The following PRIM2 variants were observed in gnomAD, a reference collection of about 807,000 sequenced individuals.
PRIM2 encodes DNA primase large subunit.
Under a neutral mutation model 67.3 loss-of-function variants are expected in PRIM2, and 39 were observed. The observed-to-expected ratio is 0.58, with a 90% confidence interval of 0.45 to 0.76. PRIM2 has a LOEUF of 0.76. Among genes scored for constraint, PRIM2 ranks in the 30% least tolerant of loss-of-function variants. PRIM2 has a pLI of 0.00. For synonymous variants in PRIM2, 143 were observed against 198.7 expected (o/e 0.72, Z 2.36); for missense variants, 398 against 598.7 (o/e 0.66, Z 3.50).
intron 7 of PRIM2, among the ~76,000 whole-genome samples, chr6:57,432,773 A>G (rs1771878214): frequency 6.6e-6 from 1 of 152,214 alleles, no homozygotes; most frequent in Non-Finnish European, 1.5e-5. Flanking sequence ...GTCCTTTGTC[A>G]TCTACATAGC....
At chr6:57,411,772 T>C (rs1771096050) in intron 7 of PRIM2, among the ~76,000 whole-genome samples, 1 of 152,102 alleles carries the variant, frequency 6.6e-6, no homozygotes, top group Non-Finnish European at 1.5e-5. Flanking sequence ...ATCTAGACTT[T>C]TCCTTTCATG....
intron 12 of PRIM2, among the ~76,000 whole-genome samples, chr6:57,607,463 C>G (rs1726397339): frequency 6.6e-6 from 1 of 152,002 alleles, no homozygotes; most frequent in Non-Finnish European, 1.5e-5. Context: ...CTGAAGAGGT[C>G]AAGGAACCCT....
At chr6:57,410,331 CA>C (rs66631802) in intron 7 of PRIM2, among the ~76,000 whole-genome samples, 41,667 of 105,140 alleles carry the variant, frequency 0.4, 6,019 homozygotes, top group Middle Eastern at 0.57. Flanking sequence ...AACGCCATCT[CA>C]AAAAAAAAAA....
intron 13 of PRIM2, among the ~76,000 whole-genome samples, chr6:57,635,735 T>C (rs1298982298): frequency 1.3e-5 from 2 of 152,238 alleles, no homozygotes; most frequent in Non-Finnish European, 2.9e-5. Flanking sequence ...GTCATCATTA[T>C]GGATATCAGT....
chr6:57,624,702 A>C (rs1776916766), intron 12 of PRIM2, among the ~76,000 whole-genome samples: 1 of 152,208 alleles, frequency 6.6e-6, no homozygotes, highest in Admixed American at 6.5e-5. Context: ...TATTCCATTT[A>C]CTGTTCAAGA....
chr6:57,434,159 A>G (rs563388470), intron 7 of PRIM2, among the ~76,000 whole-genome samples: 1 of 152,136 alleles, frequency 6.6e-6, no homozygotes, highest in East Asian at 1.9e-4. Context: ...TCCTGACCTC[A>G]GGTGATCTAC....
chr6:57,272,904 A>G, the PRIM2 span, among the ~76,000 whole-genome samples: 1 of 152,188 alleles, frequency 6.6e-6, no homozygotes, highest in African/African-American at 2.4e-5. Flanking sequence ...TTGGCTGGAT[A>G]TGAAATTCTG....
At chr6:57,502,126 A>G (rs1423868136) in intron 7 of PRIM2, among the ~76,000 whole-genome samples, 5 of 152,230 alleles carry the variant, frequency 3.3e-5, no homozygotes, top group Non-Finnish European at 7.3e-5. Flanking sequence ...ATTTTAAGAA[A>G]TAAAAGTAAA....
chr6:57,577,172 A>C (rs1307327460), intron 10 of PRIM2, among the ~76,000 whole-genome samples: 3 of 152,142 alleles, frequency 2.0e-5, no homozygotes, highest in Non-Finnish European at 4.4e-5. Context: ...AGAAGAGATT[A>C]CTTGTGTTTC....
chr6:57,355,176 C>A (rs370024148), intron 5 of PRIM2, among the ~76,000 whole-genome samples: 408 of 150,198 alleles, frequency 2.7e-3, no homozygotes, highest in Non-Finnish European at 3.9e-3. Flanking sequence ...TGGTGGCGGG[C>A]GCCTGCAATC....
the PRIM2 span, among the ~76,000 whole-genome samples, chr6:57,241,554 G>GA: frequency 8.1e-4 from 123 of 151,924 alleles, no homozygotes; most frequent in Middle Eastern, 3.4e-3. Context: ...TATTAGCAAG[G>GA]ATAGAAATGG....
intron 8 of PRIM2, among the ~76,000 whole-genome samples, chr6:57,526,159 C>G (rs1774747795): frequency 6.6e-6 from 1 of 151,974 alleles, no homozygotes; most frequent in Non-Finnish European, 1.5e-5. Flanking sequence ...TACATTTTAG[C>G]AGAAATACAC....
the PRIM2 span, among the ~76,000 whole-genome samples, chr6:57,309,434 T>C: frequency 6.6e-6 from 1 of 151,836 alleles, no homozygotes; most frequent in Non-Finnish European, 1.5e-5. Flanking sequence ...AATGATGATT[T>C]CCAATTTCAT....
chr6:57,601,910 T>C (rs1776474459), intron 11 of PRIM2, among the ~76,000 whole-genome samples: 2 of 152,258 alleles, frequency 1.3e-5, no homozygotes, highest in Admixed American at 6.5e-5. Flanking sequence ...CTGCTAAAGA[T>C]CAAATAATCA....
At chr6:57,479,372 C>G (rs1773558083) in intron 7 of PRIM2, among the ~76,000 whole-genome samples, 1 of 151,940 alleles carries the variant, frequency 6.6e-6, no homozygotes, top group Admixed American at 6.6e-5. Flanking sequence ...AAGCATCAAA[C>G]TTTAAAACAA....
In PRIM2 at chr6:57,345,102, T is replaced by G. The variant is rs1453925563; in HGVS notation, c.459+19057T>G. Among the ~76,000 whole-genome samples the G allele has an allele frequency of 2.0e-5, 3 of 149,956 alleles. No individual in the cohort carries two copies. In the East Asian group the frequency reaches 5.8e-4, roughly 29 times the overall value. On this transcript the variant is annotated intron_variant, in intron 5 of 13. Transcript: ENST00000615550. ...GTATGTCTTTAAATGAGCTGAAGTT[T>G]CCCCCACACAGAGCTATGTCCTATT... is the stretch of plus-strand genomic sequence containing the variant.
the PRIM2 span, among the ~76,000 whole-genome samples, chr6:57,266,593 A>G: frequency 6.6e-6 from 1 of 152,202 alleles, no homozygotes; most frequent in Non-Finnish European, 1.5e-5. Context: ...ATTCAGCCAA[A>G]TATGTTTTTC....
At chr6:57,286,362 A>G in the PRIM2 span, among the ~76,000 whole-genome samples, 1 of 152,236 alleles carries the variant, frequency 6.6e-6, no homozygotes, top group Non-Finnish European at 1.5e-5. Flanking sequence ...AAACTATACT[A>G]CAAGGCTACA....
the PRIM2 span, among the ~76,000 whole-genome samples, chr6:57,285,582 C>T: frequency 2.6e-5 from 4 of 152,104 alleles, no homozygotes; most frequent in Non-Finnish European, 5.9e-5. Flanking sequence ...ACGCTTTTTC[C>T]TAAAAACTCG....
Sources: allele counts gnomAD v4.1 joint callset (sites outside exome capture counted in the v4.1 genomes callset), GRCh38; gene constraint gnomAD v4.1.1; transcripts MANE v1.5; gene names NCBI Gene and HGNC (gene_info 2026-07-23, HGNC 2026-07-21).